Variants in KLHL41 observed in about 807,000 individuals in gnomAD.
KLHL41 encodes kelch-like protein 41.
Under a neutral mutation model 49.2 loss-of-function variants are expected in KLHL41, and 31 were observed. That is an observed-to-expected ratio of 0.63 (90% CI 0.47 to 0.85). KLHL41 has a LOEUF of 0.85. KLHL41 is among the 40% of genes least tolerant of loss of function. The probability of loss-of-function intolerance (pLI) is 0.00; values close to 1 mark genes in which losing one functional copy is unlikely to be tolerated. For missense variants in KLHL41, 663 were observed against 726.7 expected (o/e 0.91, Z 1.01); for synonymous variants, 218 against 258.5 (o/e 0.84, Z 1.50).
intron 5 of KLHL41, among the ~76,000 whole-genome samples, chr2:169,522,705 ATTTTTTTTTTTTTTTTT>A (rs60635668): frequency 2.0e-5 from 1 of 50,092 alleles, no homozygotes; most frequent in Non-Finnish European, 3.4e-5. Context: ...CTTCCCAGTG[ATTTTTTTTTTTTTTTTT>A]TTTTTTTTTT....
chr2:169,521,812 A>G (rs887673514), intron 5 of KLHL41, among the ~76,000 whole-genome samples: 11 of 152,232 alleles, frequency 7.2e-5, no homozygotes, highest in African/African-American at 2.4e-4. Context: ...AAAATGAAAA[A>G]AGTCAAAATA....
intron 1 of KLHL41, among the ~76,000 whole-genome samples, chr2:169,513,517 A>G (rs1430408983): frequency 1.3e-5 from 2 of 152,242 alleles, no homozygotes; most frequent in South Asian, 4.1e-4. Context: ...AAGAATGCAC[A>G]TGTGGAGATT....
intron 3 of KLHL41, 138 bp from the exon 4 acceptor site, chr2:169,518,052 T>C (rs1684141786): frequency 1.6e-6 from 1 of 617,510 alleles, no homozygotes; most frequent in Non-Finnish European, 2.8e-6. Flanking sequence ...CTTTGTTTAG[T>C]GGCATATGTT....
chr2:169,510,153 T>C lies in KLHL41; in HGVS notation c.375T>C (p.Tyr125=). The change falls in exon 1 of 6, where the codon TAT becomes TAC. Residue 125 remains tyrosine (Y), a synonymous_variant. Coordinates refer to ENST00000284669, the MANE Select transcript of KLHL41 (RefSeq NM_006063.3). The surrounding 1 kb of genome is among the most constrained non-coding windows in gnomAD (Gnocchi z 4.2). The part of the protein sequence containing the change: ...IPSVFTVCVS[Y]LQKRLAPGNC... ...CAGTGTTTACTGTCTGCGTTTCTTA[T>C]CTTCAGAAAAGACTTGCTCCTGGTA... The C allele has an allele frequency of 2.5e-6, 4 of 1,614,182 alleles. No individual in the cohort carries two copies. In the South Asian group the frequency reaches 4.4e-5, roughly 18 times the overall value.
In KLHL41 at chr2:169,526,044, TG is replaced by T; in HGVS notation, c.*350del. On this transcript the variant is annotated 3_prime_UTR_variant, in exon 6 of 6. Transcript: ENST00000284669. ...CCTTAAACTGATTTTCTATTACAAT[TG>T]GAAGTGGAGAATATGTGCATCTACA... 6.2e-6 allele frequency: 1 copy of T among 162,332 alleles called. No homozygotes were observed. Among genetic ancestry groups the T allele is most frequent in the South Asian group, 2.0e-4 (1 of 5,082 alleles). 10.1% of individuals were successfully genotyped at this position (162,332 alleles called of 1,614,324 possible).
intron 1 of KLHL41, among the ~76,000 whole-genome samples, chr2:169,512,551 A>G (rs1212796180): frequency 6.6e-6 from 1 of 152,170 alleles, no homozygotes; most frequent in Non-Finnish European, 1.5e-5. Flanking sequence ...TTCCAGCCTA[A>G]TAAAACCCTT....
At chr2:169,513,046 G>A (rs1684054424) in intron 1 of KLHL41, among the ~76,000 whole-genome samples, 1 of 152,126 alleles carries the variant, frequency 6.6e-6, no homozygotes, top group South Asian at 2.1e-4. Flanking sequence ...CTCTATAAAA[G>A]AGACTGGTAG....
rs907192071 is a variant in KLHL41, at chr2:169,514,530, T to G, written c.1111-44T>G. 10 of 1,561,880 alleles carry G rather than the reference T, an allele frequency of 6.4e-6. No homozygotes were observed. In the African/African-American group the frequency reaches 1.1e-4, roughly 17 times the overall value. The stretch of plus-strand genomic sequence containing the variant: ...AACTTTTTTTGGTGTACTTCTAATT[T>G]TTTTCTAACAGGCTCCACAATCTCT... On this transcript the variant is annotated intron_variant, in intron 1 of 5. Transcript: ENST00000284669.
chr2:169,509,997 G>A lies in KLHL41; in HGVS notation c.219G>A (p.Glu73=), dbSNP rs777708003. The A allele has an allele frequency of 6.2e-7, 1 of 1,614,140 alleles. No homozygotes were observed. The highest frequency in any genetic ancestry group is 1.1e-5 in the South Asian group (1 of 91,074). ...LSEIDEAKKK[E]VVLDNVDPAI... ...AAATTGATGAGGCGAAAAAAAAGGAGGTAGTGCTAGACAATGTGGATCCTG... is the reference window on the plus strand; with the variant it reads ...AAATTGATGAGGCGAAAAAAAAGGAAGTAGTGCTAGACAATGTGGATCCTG... The change falls in exon 1 of 6, where the codon GAG becomes GAA. Residue 73 remains glutamate (E), a synonymous_variant. Coordinates refer to ENST00000284669, the MANE Select transcript of KLHL41 (RefSeq NM_006063.3).
chr2:169,520,314 G>GTGTGTGTGTC (rs1553531994), intron 4 of KLHL41, among the ~76,000 whole-genome samples: 4 of 103,518 alleles, frequency 3.9e-5, no homozygotes, highest in South Asian at 3.3e-4. Flanking sequence ...GTGTGTGTAT[G>GTGTGTGTGTC]TGTGTGTGTG....
At chr2:169,512,911 A>C (rs1684050558) in intron 1 of KLHL41, among the ~76,000 whole-genome samples, 1 of 152,140 alleles carries the variant, frequency 6.6e-6, no homozygotes, top group East Asian at 1.9e-4. Flanking sequence ...TTTTTCCCCC[A>C]CTCATTAATT....
At position 169,514,841 on chromosome 2, in the gene KLHL41, C is replaced by A; in HGVS notation, c.1269-13C>A. ...TACTGAAGGTATATAAATTCTGTCT[C>A]GTTTAATTTTAGGGCTGCAAAATGG... On this transcript the variant is annotated splice_polypyrimidine_tract_variant and intron_variant, in intron 2 of 5. Coordinates refer to ENST00000284669, the MANE Select transcript of KLHL41 (RefSeq NM_006063.3). 5.0e-6 allele frequency: 8 copies of A among 1,598,052 alleles called. No individual in the cohort carries two copies. The highest frequency in any genetic ancestry group is 6.8e-6 in the Non-Finnish European group (8 of 1,173,700).
chr2:169,516,069 G>A (rs935387558), intron 3 of KLHL41, among the ~76,000 whole-genome samples: 14 of 152,146 alleles, frequency 9.2e-5, no homozygotes, highest in African/African-American at 3.4e-4. Flanking sequence ...AGTAAAATAA[G>A]CATTTTCAGT....
At position 169,525,515 on chromosome 2, in the gene KLHL41, T is replaced by G. The variant is rs1279727632; in HGVS notation, c.1710-70T>G. On this transcript the variant is annotated intron_variant, in intron 5 of 5. Transcript: ENST00000284669. ...TAGGGTTTTTTCAAAGATCCACATT[T>G]GTATTCTGAACACAGGGAAACCTAT... 4.3e-6 allele frequency: 4 copies of G among 929,752 alleles called. No homozygotes were observed. The African/African-American group carries it at 6.6e-5, about 15-fold the overall frequency. 57.6% of individuals were successfully genotyped at this position (929,752 alleles called of 1,614,324 possible).
chr2:169,523,645 AC>A (rs1282060738), intron 5 of KLHL41, among the ~76,000 whole-genome samples: 2 of 152,130 alleles, frequency 1.3e-5, no homozygotes, highest in African/African-American at 4.8e-5. Context: ...TGAGAGTAGG[AC>A]CTAGGCATCA....
At position 169,514,993 on chromosome 2, in the gene KLHL41, T is replaced by C. The variant is rs373779206; in HGVS notation, c.1376+32T>C. ...ACCCTGAACTCTCATGATTTATGTCTAAATGACTTTTTATTAGAAGGGTTT... is the reference window on the plus strand; with the variant it reads ...ACCCTGAACTCTCATGATTTATGTCCAAATGACTTTTTATTAGAAGGGTTT... On this transcript the variant is annotated intron_variant, in intron 3 of 5. Transcript: ENST00000284669. The C allele has an allele frequency of 9.9e-6, 13 of 1,308,590 alleles. No individual in the cohort carries two copies. The African/African-American group carries it at 1.4e-4, about 14-fold the overall frequency. 81.1% of individuals were successfully genotyped at this position (1,308,590 alleles called of 1,614,324 possible).
chr2:169,515,794 C>T (rs1333852572), intron 3 of KLHL41, among the ~76,000 whole-genome samples: 5 of 152,118 alleles, frequency 3.3e-5, no homozygotes, highest in Non-Finnish European at 5.9e-5. Context: ...AAAATTAAGG[C>T]AATTATTTCC....
chr2:169,519,895 T>C (rs1048661358), intron 4 of KLHL41, among the ~76,000 whole-genome samples: 7 of 151,488 alleles, frequency 4.6e-5, no homozygotes, highest in Non-Finnish European at 7.4e-5. Flanking sequence ...TGCCCGGCCT[T>C]AGGGTTGCCA....
In KLHL41 at chr2:169,525,879, G is replaced by A; in HGVS notation, c.*183G>A. 2.5e-6 allele frequency: 1 copy of A among 402,218 alleles called. No individual in the cohort carries two copies. Among genetic ancestry groups the A allele is most frequent in the South Asian group, 9.8e-5 (1 of 10,244 alleles). 24.9% of individuals were successfully genotyped at this position (402,218 alleles called of 1,614,324 possible). On this transcript the variant is annotated 3_prime_UTR_variant, in exon 6 of 6. Coordinates refer to ENST00000284669, the MANE Select transcript of KLHL41 (RefSeq NM_006063.3). ...TTGACTCTTCAATGTAATGATCAGA[G>A]TTTAAAACCATTTTCTAATAATAAA...
Sources: allele counts gnomAD v4.1 joint callset (sites outside exome capture counted in the v4.1 genomes callset), GRCh38; gene constraint gnomAD v4.1.1; non-coding constraint Gnocchi (gnomAD v3.1); transcripts MANE v1.5; gene names NCBI Gene and HGNC (gene_info 2026-07-23, HGNC 2026-07-21).